PJA2: variants seen among roughly 807,000 people sequenced by gnomAD.
The protein encoded by PJA2 is praja ring finger ubiquitin ligase 2.
Under a neutral mutation model 69.3 loss-of-function variants are expected in PJA2, and 25 were observed. The ratio of observed to expected loss-of-function variants is 0.36; its 90% CI spans 0.26 to 0.50. The LOEUF (loss-of-function observed/expected upper bound fraction) is 0.50. Ranked by LOEUF, PJA2 falls within the 20% of genes least tolerant of loss-of-function variation. The pLI is 0.96. For synonymous variants in PJA2, 308 were observed against 277.8 expected (o/e 1.11, Z -1.08); for missense variants, 809 against 830.2 (o/e 0.97, Z 0.31).
chr5:109,340,617 T>TAAATATTTGAAGA (rs1762026047), intron 9 of PJA2, among the ~76,000 whole-genome samples: 1 of 2,678 alleles, frequency 3.7e-4, no homozygotes, highest in African/African-American at 2.8e-3. Context: ...ATTTATTGGG[T>TAAATATTTGAAGA]CCCTCCCCCT....
At chr5:109,373,896 T>A (rs1762716602) in intron 4 of PJA2, among the ~76,000 whole-genome samples, 1 of 152,162 alleles carries the variant, frequency 6.6e-6, no homozygotes, top group Non-Finnish European at 1.5e-5. Context: ...TATGGAAACA[T>A]AAAACCAACC....
intron 1 of PJA2, among the ~76,000 whole-genome samples, chr5:109,392,343 T>TG (rs70999923): frequency 0.43 from 66,005 of 151,800 alleles, 17,642 homozygotes; most frequent in Middle Eastern, 0.6. Flanking sequence ...GGTGGATCAC[T>TG]GGAGGCCAGG....
chr5:109,366,653 T>G (rs1416977992), intron 5 of PJA2, among the ~76,000 whole-genome samples: 1 of 148,768 alleles, frequency 6.7e-6, no homozygotes, highest in African/African-American at 2.4e-5. Flanking sequence ...CCTACTACAA[T>G]GTAAGCTTCA....
At chr5:109,350,217 C>T (rs1354161799) in intron 7 of PJA2, among the ~76,000 whole-genome samples, 2 of 151,530 alleles carry the variant, frequency 1.3e-5, no homozygotes, top group African/African-American at 4.9e-5. Context: ...TTAAGATGAT[C>T]CAGGATCACT....
At chr5:109,398,156 G>A (rs1747460356) in intron 1 of PJA2, among the ~76,000 whole-genome samples, 1 of 152,188 alleles carries the variant, frequency 6.6e-6, no homozygotes, top group Middle Eastern at 3.2e-3. Flanking sequence ...GGAAACAACA[G>A]GTGCTGGAGA....
chr5:109,370,136 TC>T (rs911349570), intron 4 of PJA2, among the ~76,000 whole-genome samples: 9 of 151,882 alleles, frequency 5.9e-5, no homozygotes, highest in African/African-American at 1.7e-4. Flanking sequence ...GAATTAGTCC[TC>T]TTATGCTACC....
At chr5:109,375,867 T>C (rs992286298) in intron 4 of PJA2, among the ~76,000 whole-genome samples, 1 of 152,150 alleles carries the variant, frequency 6.6e-6, no homozygotes, top group Admixed American at 6.5e-5. Flanking sequence ...AAAGGCACCC[T>C]GGCAACTATA....
intron 7 of PJA2, among the ~76,000 whole-genome samples, chr5:109,350,062 T>C (rs1762224855): frequency 1.3e-5 from 2 of 152,220 alleles, no homozygotes; most frequent in South Asian, 2.1e-4. Flanking sequence ...GGGGAGGTTA[T>C]TCCAGGCTAA....
Position 109,378,726 on chromosome 5 carries a change from T to C in PJA2, c.761A>G (p.Gln254Arg). ...GDTEFVHQNS[Q>R]EIQRSSQDEM... ...ATCTTGAGAAGACCTCTGAATTTCC[T>C]GGCTATTCTGATGGACAAACTCAGT... is the stretch of plus-strand genomic sequence containing the variant. Residue 254 changes from glutamine to arginine, a missense_variant, in exon 4 of 10, where the codon CAG (glutamine) becomes CGG (arginine). Gln to Arg is a conservative substitution (Grantham distance 43). Around this residue, in one of 4 missense-constraint regions of PJA2, gnomAD observed 700 missense variants for 639.5 expected, o/e 1.09. Coordinates refer to ENST00000361189, the MANE Select transcript of PJA2 (RefSeq NM_014819.5). 1 of 1,613,036 alleles carries C rather than the reference T, an allele frequency of 6.2e-7. No individual in the cohort carries two copies. Among genetic ancestry groups the C allele is most frequent in the South Asian group, 1.1e-5 (1 of 91,082 alleles).
intron 9 of PJA2, 26 bp downstream of exon 9, chr5:109,344,164 A>C (rs1393218596): frequency 8.4e-7 from 1 of 1,195,196 alleles, no homozygotes; most frequent in Non-Finnish European, 1.1e-6. Context: ...AAGTATTTTT[A>C]AATTTTTAAT....
At chr5:109,385,136 G>C (rs1747128947) in intron 1 of PJA2, among the ~76,000 whole-genome samples, 1 of 152,174 alleles carries the variant, frequency 6.6e-6, no homozygotes, top group African/African-American at 2.4e-5. Flanking sequence ...TTTATTCTGA[G>C]ATGGAAAACC....
At chr5:109,380,316 A>G (rs1747013699) in intron 3 of PJA2, among the ~76,000 whole-genome samples, 1 of 152,092 alleles carries the variant, frequency 6.6e-6, no homozygotes, top group Non-Finnish European at 1.5e-5. Context: ...ATGTCTTGTC[A>G]AGTTTGCTTA....
intron 1 of PJA2, among the ~76,000 whole-genome samples, chr5:109,394,641 G>A (rs1446806551): frequency 6.6e-6 from 1 of 152,116 alleles, no homozygotes; most frequent in Admixed American, 6.5e-5. Flanking sequence ...CTGAAAACTA[G>A]GCTGTCTAAG....
chr5:109,361,675 C>T (rs899948741), intron 6 of PJA2, among the ~76,000 whole-genome samples: 12 of 152,202 alleles, frequency 7.9e-5, no homozygotes, highest in Non-Finnish European at 1.5e-4. Context: ...TAGGTAAAGC[C>T]ACTTATTCTC....
intron 2 of PJA2, among the ~76,000 whole-genome samples, chr5:109,382,854 A>G (rs569518830): frequency 6.6e-6 from 1 of 152,168 alleles, no homozygotes; most frequent in Non-Finnish European, 1.5e-5. Flanking sequence ...TCTCAAAAAA[A>G]AAAAAAAAAT....
chr5:109,389,332 G>C (rs1482164407), intron 1 of PJA2, among the ~76,000 whole-genome samples: 1 of 152,052 alleles, frequency 6.6e-6, no homozygotes, highest in African/African-American at 2.4e-5. Flanking sequence ...AATAGACACA[G>C]AACAACTCAG....
intron 4 of PJA2, among the ~76,000 whole-genome samples, chr5:109,376,554 G>A (rs1322845143): frequency 2.0e-5 from 3 of 151,732 alleles, no homozygotes; most frequent in Non-Finnish European, 2.9e-5. Context: ...AAGCAGAAGA[G>A]AAGTATTTAT....
chr5:109,383,524 C>T lies in PJA2; in HGVS notation c.-87-4G>A. ...ATGGACAAGCCGCAGAAGATTCCTA[C>T]AAAGAAACAATGAATTGAACAATAT... is the stretch of plus-strand genomic sequence containing the variant. On this transcript the variant is annotated splice_polypyrimidine_tract_variant and splice_region_variant and intron_variant, in intron 1 of 9. Coordinates refer to ENST00000361189, the MANE Select transcript of PJA2 (RefSeq NM_014819.5). 22 of 1,040,006 alleles carry T rather than the reference C, an allele frequency of 2.1e-5. No homozygotes were observed. The highest frequency in any genetic ancestry group is 3.2e-5 in the Non-Finnish European group (22 of 695,632). The allele number at this position is 1,040,006 out of a possible 1,614,324, so 64.4% of individuals were successfully genotyped here.
intron 1 of PJA2, among the ~76,000 whole-genome samples, chr5:109,401,109 T>C (rs1747535542): frequency 6.6e-6 from 1 of 152,194 alleles, no homozygotes; most frequent in African/African-American, 2.4e-5. Flanking sequence ...ATGGCCAACA[T>C]GGTGAAACCC....
Sources: gnomAD v4.1 joint callset for allele counts (sites outside exome capture counted in the v4.1 genomes callset) on GRCh38, gnomAD v4.1.1 for gene constraint, gnomAD v4.1.1 regional missense constraint, MANE v1.5 for transcripts, NCBI Gene and HGNC (gene_info 2026-07-23, HGNC 2026-07-21) for gene names.